MED13L: variants seen among roughly 807,000 people sequenced by gnomAD.
The protein encoded by MED13L is mediator complex subunit 13L, also known as mediator of RNA polymerase II transcription subunit 13-like.
In MED13L, 7 loss-of-function variants were observed where a neutral mutation model predicts 220.9. The observed-to-expected ratio is 0.03, with a 90% CI of 0.02 to 0.06. The LOEUF (loss-of-function observed/expected upper bound fraction) is 0.06, where lower values mean the gene tolerates loss of function less well. MED13L is among the 10% of genes least tolerant of loss of function. The pLI is 1.00. For missense variants in MED13L, 1,965 were observed against 2,760.5 expected, an observed-to-expected ratio of 0.71 and a Z score of 6.46; for synonymous variants, 1,011 against 1,015.2, an observed-to-expected ratio of 1.00 and a Z score of 0.08.
At chr12:116,146,529 G>A (rs1240354820) in intron 2 of MED13L, among the ~76,000 whole-genome samples, 1 of 151,866 alleles carries the variant, frequency 6.6e-6, no homozygotes, top group Non-Finnish European at 1.5e-5. Flanking sequence ...GCATGGCCTA[G>A]GGAAACCGAA....
chr12:116,035,358 A>G (rs965950313), intron 4 of MED13L, among the ~76,000 whole-genome samples: 2 of 152,108 alleles, frequency 1.3e-5, no homozygotes, highest in African/African-American at 4.8e-5. Flanking sequence ...AAATCCCTCA[A>G]TATATAATTA....
At chr12:116,119,137 A>T (rs1874785168) in intron 2 of MED13L, among the ~76,000 whole-genome samples, 1 of 152,164 alleles carries the variant, frequency 6.6e-6, no homozygotes, top group South Asian at 2.1e-4. Flanking sequence ...GGGATCAAAT[A>T]TAATCACCCC....
chr12:115,961,663 G>A (rs980774024), intron 30 of MED13L: 4 of 499,402 alleles, frequency 8.0e-6, no homozygotes, highest in Non-Finnish European at 1.5e-5. Flanking sequence ...AGGTAAAGTA[G>A]GCACTGGAGC....
chr12:115,998,812 G>A (rs1592932049), intron 14 of MED13L, among the ~76,000 whole-genome samples: 1 of 152,160 alleles, frequency 6.6e-6, no homozygotes, highest in Non-Finnish European at 1.5e-5. Context: ...TTCCATTAGC[G>A]ATGCTCCACT....
chr12:116,051,179 T>C (rs569476179), intron 4 of MED13L, among the ~76,000 whole-genome samples: 2 of 152,102 alleles, frequency 1.3e-5, no homozygotes, highest in Admixed American at 6.5e-5. Context: ...GAATATTATA[T>C]AGCATTTTAA....
At chr12:116,095,598 A>G (rs1393457683) in intron 4 of MED13L, among the ~76,000 whole-genome samples, 1 of 152,228 alleles carries the variant, frequency 6.6e-6, no homozygotes, top group Admixed American at 6.5e-5. Flanking sequence ...TTTTGCAACC[A>G]AAAGAAAAGA....
At position 115,991,296 on chromosome 12, in the gene MED13L, C is replaced by G. The variant is rs867266643; in HGVS notation, c.3658G>C (p.Glu1220Gln). Residue 1220 changes from glutamate (E) to glutamine (Q), a missense_variant, in exon 17 of 31, where the codon GAG becomes CAG. By Grantham distance (29) the Glu-to-Gln change is conservative. Transcript: ENST00000281928. This position sits in a 1 kb window ranked among gnomAD's most constrained non-coding sequence, Gnocchi z 7.7. ...AGGAGGAGAAGGCTTATGGGTGGCTCCTGGGGTTTTTTGGTTCCTTCCACC... is the reference window on the plus strand; with the variant it reads ...AGGAGGAGAAGGCTTATGGGTGGCTGCTGGGGTTTTTTGGTTCCTTCCACC... ...PQVEGTKKPQ[E>Q]PPISLLLLLQ... The G allele has an allele frequency of 6.8e-6, 11 of 1,614,010 alleles. 1 individual carries two copies. In the Middle Eastern group the frequency reaches 1.5e-3, roughly 218 times the overall value.
intron 1 of MED13L, among the ~76,000 whole-genome samples, chr12:116,259,439 CAT>C (rs1872330746): frequency 6.6e-6 from 1 of 151,936 alleles, no homozygotes; most frequent in Admixed American, 6.6e-5. Flanking sequence ...AGTCCAAAAA[CAT>C]GTAAAAATAT....
intron 2 of MED13L, among the ~76,000 whole-genome samples, chr12:116,141,849 C>T (rs1877105428): frequency 6.6e-6 from 1 of 152,086 alleles, no homozygotes; most frequent in Non-Finnish European, 1.5e-5. Context: ...AATGGCTTCT[C>T]AACTCTGAGA....
intron 4 of MED13L, among the ~76,000 whole-genome samples, chr12:116,086,341 C>T (rs950175884): frequency 7.5e-5 from 11 of 146,320 alleles, no homozygotes; most frequent in African/African-American, 2.5e-4. Context: ...TTGAATGCAA[C>T]AGTGGGATCT....
At chr12:116,048,028 T>C (rs564597916) in intron 4 of MED13L, among the ~76,000 whole-genome samples, 70 of 149,366 alleles carry the variant, frequency 4.7e-4, no homozygotes, top group African/African-American at 1.6e-3. Flanking sequence ...ATCAAAGATA[T>C]ATGTTACTTT....
chr12:116,026,954 T>TA, intron 4 of MED13L, among the ~76,000 whole-genome samples: 1 of 152,088 alleles, frequency 6.6e-6, no homozygotes, highest in East Asian at 1.9e-4. Flanking sequence ...ATCACACTGA[T>TA]ACGGAAACAC....
chr12:116,208,350 C>T (rs775292153), intron 2 of MED13L, among the ~76,000 whole-genome samples: 2 of 152,168 alleles, frequency 1.3e-5, no homozygotes, highest in African/African-American at 2.4e-5. Context: ...GAGCTGAGAT[C>T]GTGCCATTGC....
chr12:116,267,602 T>C (rs930461612), intron 1 of MED13L, among the ~76,000 whole-genome samples: 2 of 152,236 alleles, frequency 1.3e-5, no homozygotes, highest in Admixed American at 1.3e-4. Context: ...CACAGAACTA[T>C]TACGTGATCA....
rs1875187836 is a variant in MED13L at position 116,122,491 on chromosome 12, C to A, written c.311-10979G>T. Reference sequence around the variant, plus strand: ...TAGAGCTCTGATTTCTTGAATTGCTCATGAGTGTAAAATATTCAGTATCAC... The same window carrying A: ...TAGAGCTCTGATTTCTTGAATTGCTAATGAGTGTAAAATATTCAGTATCAC... On this transcript the variant is annotated intron_variant, in intron 2 of 30. Transcript: ENST00000281928. Among the ~76,000 whole-genome samples the A allele has an allele frequency of 3.9e-5, 6 of 152,270 alleles. No homozygotes were observed. In the South Asian group the frequency reaches 1.2e-3, roughly 32 times the overall value.
intron 2 of MED13L, among the ~76,000 whole-genome samples, chr12:116,191,476 G>A (rs928546473): frequency 6.6e-6 from 1 of 151,780 alleles, no homozygotes; most frequent in African/African-American, 2.4e-5. Context: ...GATTACAGGC[G>A]CCCGCCACCA....
At chr12:116,239,386 A>T (rs557927994) in intron 1 of MED13L, among the ~76,000 whole-genome samples, 1 of 152,320 alleles carries the variant, frequency 6.6e-6, no homozygotes, top group South Asian at 2.1e-4. Context: ...CCATAATCAC[A>T]TTATAATAAT....
At chr12:116,239,836 T>C (rs1870455201) in intron 1 of MED13L, among the ~76,000 whole-genome samples, 1 of 152,238 alleles carries the variant, frequency 6.6e-6, no homozygotes, top group South Asian at 2.1e-4. Flanking sequence ...CGGTATGTAC[T>C]TGTATTAATA....
At position 115,984,313 on chromosome 12, in the gene MED13L, G is replaced by A. The variant is rs368928526; in HGVS notation, c.4398C>T (p.Arg1466=). 60 of 1,613,920 alleles carry A rather than the reference G, an allele frequency of 3.7e-5. 1 individual carries two copies. Among genetic ancestry groups the A allele is most frequent in the Middle Eastern group, 1.6e-4 (1 of 6,082 alleles). The part of the protein sequence containing the change: ...ICKVLRDGIM[R]VGKTVAQKLT... ...GCTTCTGTGCCACAGTTTTTCCCAC[G>A]CGCATGATCCCGTCACGTAGCACTT... Residue 1466 remains arginine, a synonymous_variant, in exon 20 of 31, where the codon CGC becomes CGT. Coordinates refer to ENST00000281928, the MANE Select transcript of MED13L (RefSeq NM_015335.5).
Sources: gnomAD v4.1 joint callset for allele counts (sites outside exome capture counted in the v4.1 genomes callset) on GRCh38, gnomAD v4.1.1 for gene constraint, Gnocchi (gnomAD v3.1) non-coding constraint, MANE v1.5 for transcripts, NCBI Gene and HGNC (gene_info 2026-07-23, HGNC 2026-07-21) for gene names.